The following RORA variants were observed in gnomAD, a reference collection of about 807,000 sequenced individuals.
RORA encodes RAR related orphan receptor A, also known as nuclear receptor ROR-alpha.
RORA carries 7 observed loss-of-function variants against 69.5 expected under a neutral mutation model. That is an observed-to-expected ratio of 0.10 (90% CI 0.06 to 0.19). The LOEUF (loss-of-function observed/expected upper bound fraction) is 0.19. Ranked by LOEUF, RORA falls within the 10% of genes least tolerant of loss-of-function variation. The probability of loss-of-function intolerance (pLI) is 1.00; values close to 1 mark genes in which losing one functional copy is unlikely to be tolerated. For synonymous variants in RORA, 261 were observed against 240.8 expected (o/e 1.08, Z -0.78); for missense variants, 457 against 663.0 (o/e 0.69, Z 3.41).
At chr15:61,094,107 T>C (rs1281949642) in intron 1 of RORA, among the ~76,000 whole-genome samples, 2 of 152,180 alleles carry the variant, frequency 1.3e-5, no homozygotes, top group African/African-American at 4.8e-5. Flanking sequence ...ATGTTGATAT[T>C]CATTAGAAAG....
intron 1 of RORA, among the ~76,000 whole-genome samples, chr15:60,685,397 T>A (rs1287093309): frequency 6.6e-6 from 1 of 152,246 alleles, no homozygotes; most frequent in East Asian, 1.9e-4. Context: ...AGGCCTAGAA[T>A]TTAGGCTTCT....
chr15:60,980,074 G>C (rs1893997409), intron 1 of RORA, among the ~76,000 whole-genome samples: 1 of 152,124 alleles, frequency 6.6e-6, no homozygotes, highest in Admixed American at 6.6e-5. Flanking sequence ...TTTGTTGAAA[G>C]TTTTTATCAC....
chr15:60,525,100 G>T (rs74017208), intron 3 of RORA, among the ~76,000 whole-genome samples: 3,156 of 151,874 alleles, frequency 0.021, 122 homozygotes, highest in African/African-American at 0.073. Context: ...AAACAAACAC[G>T]CAAAAAAACA....
At chr15:61,101,579 T>A (rs964007509) in intron 1 of RORA, among the ~76,000 whole-genome samples, 4 of 152,134 alleles carry the variant, frequency 2.6e-5, no homozygotes, top group African/African-American at 9.7e-5. Flanking sequence ...AATCTCCCCT[T>A]CTTTTCTCTG....
At chr15:60,725,711 A>G (rs561937946) in intron 1 of RORA, among the ~76,000 whole-genome samples, 44 of 152,298 alleles carry the variant, frequency 2.9e-4, no homozygotes, top group Admixed American at 2.2e-3. Flanking sequence ...TTGACAAGAG[A>G]TCATTGTGAC....
chr15:61,075,728 AC>A (rs1279659788), intron 1 of RORA, among the ~76,000 whole-genome samples: 1 of 152,144 alleles, frequency 6.6e-6, no homozygotes, highest in Non-Finnish European at 1.5e-5. Context: ...CTGTGCCTTG[AC>A]CCAAGTCTTC....
chr15:60,690,915 G>T (rs996998210), intron 1 of RORA, among the ~76,000 whole-genome samples: 4 of 152,168 alleles, frequency 2.6e-5, no homozygotes, highest in African/African-American at 9.7e-5. Context: ...AAGCCAGAGT[G>T]ACTTTTTGAA....
At chr15:61,187,028 A>G (rs1011568932) in intron 1 of RORA, among the ~76,000 whole-genome samples, 6 of 152,250 alleles carry the variant, frequency 3.9e-5, no homozygotes, top group Admixed American at 1.3e-4. Context: ...AATGCCAGTG[A>G]GTTTGAAAGG....
chr15:60,677,379 T>C (rs1348733224), intron 2 of RORA: 1 of 370,138 alleles, frequency 2.7e-6, no homozygotes, highest in Admixed American at 3.0e-5. Context: ...ACTACCCTGA[T>C]GGAGGGACAG....
Position 60,524,895 on chromosome 15 carries a change from C to T in RORA, c.282+6871G>A, listed in dbSNP as rs1357218568. ...CTGCTTTACAAATGAGAAAGTTAAACTTAAGAGAGGTTAAGCCGTGTGCCC... is the reference window on the plus strand; with the variant it reads ...CTGCTTTACAAATGAGAAAGTTAAATTTAAGAGAGGTTAAGCCGTGTGCCC... On this transcript the variant is annotated intron_variant, in intron 3 of 10. Transcript: ENST00000335670. Among the ~76,000 whole-genome samples, 3 of 152,100 alleles carry T rather than the reference C, an allele frequency of 2.0e-5. No individual in the cohort carries two copies. The East Asian group carries it at 5.8e-4, about 29-fold the overall frequency.
At chr15:61,004,383 T>G (rs1292484556) in intron 1 of RORA, among the ~76,000 whole-genome samples, 1 of 151,930 alleles carries the variant, frequency 6.6e-6, no homozygotes, top group Non-Finnish European at 1.5e-5. Flanking sequence ...TGAATGTTTT[T>G]TTTTTTTTTC....
At chr15:60,911,859 GT>G (rs35017718) in intron 1 of RORA, among the ~76,000 whole-genome samples, 2,937 of 144,242 alleles carry the variant, frequency 0.02, 102 homozygotes, top group South Asian at 0.087. Context: ...ACCTGGCTAA[GT>G]TTTTTTTTTT....
At chr15:61,104,660 G>T (rs2078927084) in intron 1 of RORA, among the ~76,000 whole-genome samples, 2 of 152,118 alleles carry the variant, frequency 1.3e-5, no homozygotes, top group African/African-American at 4.8e-5. Flanking sequence ...CAGCTCCACT[G>T]AAGGCTACCT....
Position 61,015,931 on chromosome 15 carries a change from C to T in RORA, c.166+213122G>A, listed in dbSNP as rs977139923. 1.3e-5 allele frequency among the ~76,000 whole-genome samples: 2 copies of T among 152,162 alleles called. 1 individual carries two copies. The highest frequency in any genetic ancestry group is 2.9e-5 in the Non-Finnish European group (2 of 68,030). On this transcript the variant is annotated intron_variant, in intron 1 of 10. Transcript: ENST00000335670. ...GGGTCTGTTTTCAGTATGATGAACA[C>T]AGTTTACGTGGAATATGGATAAACC...
chr15:60,613,245 A>G (rs550691907), intron 2 of RORA, among the ~76,000 whole-genome samples: 9 of 152,288 alleles, frequency 5.9e-5, no homozygotes, highest in Non-Finnish European at 1.2e-4. Flanking sequence ...TTTGTTTCGT[A>G]TCTCTGTGTG....
chr15:60,535,695 T>G (rs557766305), intron 2 of RORA, among the ~76,000 whole-genome samples: 10 of 152,296 alleles, frequency 6.6e-5, no homozygotes, highest in Admixed American at 5.2e-4. Context: ...TCCCAAAGAA[T>G]TAAAAAAATA....
At chr15:61,155,522 G>A (rs565157620) in intron 1 of RORA, among the ~76,000 whole-genome samples, 2 of 152,268 alleles carry the variant, frequency 1.3e-5, no homozygotes, top group East Asian at 1.9e-4. Context: ...AGAGTTGCCC[G>A]GTTTTCCCTT....
rs144959232 is a variant in RORA at position 60,813,656 on chromosome 15, C to T, written c.167-134970G>A. On this transcript the variant is annotated intron_variant, in intron 1 of 10. Coordinates refer to ENST00000335670, the MANE Select transcript of RORA (RefSeq NM_134261.3). ...GCTGAACTTAGAGTCTAACTGGCCA[C>T]AGTTGAGGGAGTAAAAACTACTACA... Among the ~76,000 whole-genome samples the T allele has an allele frequency of 2.0e-5, 3 of 152,260 alleles. No individual in the cohort carries two copies. In the East Asian group the frequency reaches 5.8e-4, roughly 29 times the overall value.
At chr15:60,543,909 G>A (rs2066986385) in intron 2 of RORA, among the ~76,000 whole-genome samples, 1 of 152,164 alleles carries the variant, frequency 6.6e-6, no homozygotes, top group Non-Finnish European at 1.5e-5. Context: ...GGCCTAATGT[G>A]AGAAACAACA....
Sources: gnomAD v4.1 joint callset for allele counts (sites outside exome capture counted in the v4.1 genomes callset) on GRCh38, gnomAD v4.1.1 for gene constraint, MANE v1.5 for transcripts, NCBI Gene and HGNC (gene_info 2026-07-23, HGNC 2026-07-21) for gene names.